The following CNTNAP2 variants were observed in gnomAD, a reference collection of about 807,000 sequenced individuals.
CNTNAP2 encodes the protein contactin associated protein 2.
Under a neutral mutation model 155.2 loss-of-function variants are expected in CNTNAP2, and 98 were observed. The ratio of observed to expected loss-of-function variants is 0.63; its 90% CI spans 0.54 to 0.75. The LOEUF is 0.75. Ranked by LOEUF, CNTNAP2 falls within the 30% of genes least tolerant of loss-of-function variation. The probability of loss-of-function intolerance (pLI) is 0.00; values close to 1 mark genes in which losing one functional copy is unlikely to be tolerated. For missense variants in CNTNAP2, 1,727 were observed against 1,688.1 expected (o/e 1.02, Z -0.40); for synonymous variants, 651 against 631.2 (o/e 1.03, Z -0.47).
chr7:147,741,714 C>T (rs1796959661), intron 13 of CNTNAP2, among the ~76,000 whole-genome samples: 1 of 151,358 alleles, frequency 6.6e-6, no homozygotes, highest in Non-Finnish European at 1.5e-5. Context: ...AACAGTAAAG[C>T]TACCCCCTCA....
rs547365403 is a variant in CNTNAP2 at position 147,465,386 on chromosome 7, G to A, written c.1671-20549G>A. Among the ~76,000 whole-genome samples, 66 of 152,276 alleles carry A rather than the reference G, an allele frequency of 4.3e-4. No individual in the cohort carries two copies. The South Asian group carries it at 4.4e-3, about 10-fold the overall frequency. On this transcript the variant is annotated intron_variant, in intron 10 of 23. Transcript: ENST00000361727. ...TACAGCTCTTATAAATTGCAGTGAT[G>A]TCAGTGGTCTTTGCTGAAGATTTTA...
At chr7:147,866,195 A>G (rs1400876348) in intron 13 of CNTNAP2, among the ~76,000 whole-genome samples, 5 of 152,220 alleles carry the variant, frequency 3.3e-5, no homozygotes, top group Admixed American at 2.6e-4. Flanking sequence ...GTAGTCATTC[A>G]GGAGCAGGTT....
chr7:146,854,691 A>G (rs1794943273), intron 3 of CNTNAP2, among the ~76,000 whole-genome samples: 1 of 152,184 alleles, frequency 6.6e-6, no homozygotes, highest in Non-Finnish European at 1.5e-5. Context: ...AGCACATAGT[A>G]TTATTTGCTG....
At chr7:147,699,657 T>G (rs925160288) in intron 13 of CNTNAP2, among the ~76,000 whole-genome samples, 1 of 152,194 alleles carries the variant, frequency 6.6e-6, no homozygotes, top group African/African-American at 2.4e-5. Flanking sequence ...AGGTAGTTTT[T>G]CATTTTATTT....
chr7:146,237,421 T>C (rs905072665), intron 1 of CNTNAP2, among the ~76,000 whole-genome samples: 10 of 152,340 alleles, frequency 6.6e-5, no homozygotes, highest in African/African-American at 2.4e-4. Flanking sequence ...AAACAATTAC[T>C]TTGATTTAGA....
chr7:148,169,763 C>A (rs188867256), intron 17 of CNTNAP2, among the ~76,000 whole-genome samples: 16 of 152,296 alleles, frequency 1.1e-4, no homozygotes, highest in African/African-American at 3.6e-4. Context: ...AGTTCGAGAC[C>A]AGCCTGGTTA....
chr7:146,225,682 T>C (rs1219548097), intron 1 of CNTNAP2, among the ~76,000 whole-genome samples: 2 of 152,182 alleles, frequency 1.3e-5, no homozygotes, highest in African/African-American at 4.8e-5. Context: ...GTGTGTTATC[T>C]ACCCTGTTAT....
chr7:146,151,635 GATATATATAT>G lies in CNTNAP2; in HGVS notation c.97+34699_97+34708del, dbSNP rs1226681385. The stretch of plus-strand genomic sequence containing the variant: ...ACTGATGAATGGACAAAGAAAACGT[GATATATATAT>G]ATATATATATATATATATATATATA... On this transcript the variant is annotated intron_variant, in intron 1 of 23. Coordinates refer to ENST00000361727, the MANE Select transcript of CNTNAP2 (RefSeq NM_014141.6). 3.7e-3 allele frequency among the ~76,000 whole-genome samples: 135 copies of G among 36,352 alleles called. 1 individual carries two copies. The highest frequency in any genetic ancestry group is 9.1e-3 in the African/African-American group (105 of 11,564). 23.8% of individuals were successfully genotyped at this position (36,352 alleles called of 152,430 possible).
chr7:146,985,111 G>A (rs921202658), intron 3 of CNTNAP2, among the ~76,000 whole-genome samples: 2 of 151,998 alleles, frequency 1.3e-5, no homozygotes, highest in African/African-American at 4.8e-5. Context: ...CCTAATTTAA[G>A]TCATAGAATG....
intron 8 of CNTNAP2, among the ~76,000 whole-genome samples, chr7:147,258,445 C>T (rs1804378594): frequency 6.6e-6 from 1 of 152,094 alleles, no homozygotes; most frequent in East Asian, 1.9e-4. Flanking sequence ...CTCTATGTAG[C>T]CATATCAGAA....
chr7:148,138,500 C>G (rs1057495407), intron 16 of CNTNAP2, among the ~76,000 whole-genome samples: 1 of 152,208 alleles, frequency 6.6e-6, no homozygotes, highest in Non-Finnish European at 1.5e-5. Flanking sequence ...CCCTAGTCTT[C>G]TACCAAAGCA....
intron 1 of CNTNAP2, among the ~76,000 whole-genome samples, chr7:146,309,528 G>A (rs1584861713): frequency 2.0e-5 from 3 of 152,110 alleles, no homozygotes; most frequent in African/African-American, 7.2e-5. Context: ...TAGGTGGGGC[G>A]CGGTGGCTCA....
In CNTNAP2 at chr7:146,495,813, A is replaced by G. The variant is rs142215680; in HGVS notation, c.98-278458A>G. 1.7e-3 allele frequency among the ~76,000 whole-genome samples: 258 copies of G among 152,268 alleles called. 1 individual carries two copies. Among genetic ancestry groups the G allele is most frequent in the African/African-American group, 5.9e-3 (246 of 41,558 alleles). ...TGAGAATAAAGACATAGGAGACTAA[A>G]CAAGGTAGGCTTATGGGTACAAGTG... On this transcript the variant is annotated intron_variant, in intron 1 of 23. Transcript: ENST00000361727.
At chr7:147,667,317 C>A (rs944783859) in intron 13 of CNTNAP2, among the ~76,000 whole-genome samples, 8 of 152,122 alleles carry the variant, frequency 5.3e-5, no homozygotes, top group Non-Finnish European at 8.8e-5. Flanking sequence ...TTCTGGAAAC[C>A]AATGCCTTAA....
intron 3 of CNTNAP2, among the ~76,000 whole-genome samples, chr7:146,906,315 C>G (rs1394401024): frequency 1.3e-5 from 2 of 152,222 alleles, no homozygotes; most frequent in Non-Finnish European, 2.9e-5. Flanking sequence ...TCAAGGAGGC[C>G]TGGCTGCCTC....
At chr7:146,132,949 A>C (rs934277200) in intron 1 of CNTNAP2, among the ~76,000 whole-genome samples, 1 of 148,214 alleles carries the variant, frequency 6.7e-6, no homozygotes, top group Non-Finnish European at 1.5e-5. Context: ...GGCTGGGTCA[A>C]ATGGTATTTC....
chr7:146,867,733 T>C (rs558164951), intron 3 of CNTNAP2, among the ~76,000 whole-genome samples: 1 of 152,086 alleles, frequency 6.6e-6, no homozygotes, highest in Non-Finnish European at 1.5e-5. Context: ...TGAGGTGGTA[T>C]CTCATTGTGG....
At chr7:147,106,988 G>A (rs1213215212) in intron 4 of CNTNAP2, among the ~76,000 whole-genome samples, 1 of 152,150 alleles carries the variant, frequency 6.6e-6, no homozygotes, top group Non-Finnish European at 1.5e-5. Context: ...TCCCTCTGGA[G>A]TTCTTTAGCC....
intron 8 of CNTNAP2, among the ~76,000 whole-genome samples, chr7:147,195,517 T>A (rs1802781217): frequency 6.6e-6 from 1 of 152,186 alleles, no homozygotes; most frequent in Non-Finnish European, 1.5e-5. Context: ...CTTTGGGCAG[T>A]ATGGCTAATT....
Sources: allele counts gnomAD v4.1 joint callset (sites outside exome capture counted in the v4.1 genomes callset), GRCh38; gene constraint gnomAD v4.1.1; transcripts MANE v1.5; gene names NCBI Gene and HGNC (gene_info 2026-07-23, HGNC 2026-07-21).